Variants in NARS2 observed in about 807,000 individuals in gnomAD.
The protein encoded by NARS2 is asparaginyl-tRNA synthetase.
A neutral mutation model predicts 62.9 loss-of-function variants in NARS2; 60 were observed. That is an observed-to-expected ratio of 0.95 (90% confidence interval 0.77 to 1.18). NARS2 has a LOEUF of 1.18. Ranked by LOEUF, NARS2 falls within the 50% of genes most tolerant of loss-of-function variation. The pLI is 0.00. For synonymous variants in NARS2, 196 were observed against 200.0 expected, an observed-to-expected ratio of 0.98 and a Z score of 0.17; for missense variants, 619 against 576.4, an observed-to-expected ratio of 1.07 and a Z score of -0.76.
At chr11:78,551,790 G>A (rs957328217) in intron 5 of NARS2, among the ~76,000 whole-genome samples, 1 of 152,034 alleles carries the variant, frequency 6.6e-6, no homozygotes, top group Non-Finnish European at 1.5e-5. Context: ...GGTGGAGGTT[G>A]CAGTGAGCCA....
At chr11:78,529,841 C>T (rs1861417127) in intron 5 of NARS2, among the ~76,000 whole-genome samples, 1 of 152,114 alleles carries the variant, frequency 6.6e-6, no homozygotes, top group African/African-American at 2.4e-5. Context: ...GTATTTTAAA[C>T]TGTGCACTTA....
chr11:78,551,414 A>G (rs1350955908), intron 5 of NARS2, among the ~76,000 whole-genome samples: 3 of 152,248 alleles, frequency 2.0e-5, no homozygotes, highest in Non-Finnish European at 4.4e-5. Flanking sequence ...GAATTGGTAC[A>G]GTAAAAATAC....
intron 11 of NARS2, among the ~76,000 whole-genome samples, chr11:78,458,927 TTG>T (rs1858276451): frequency 6.6e-6 from 1 of 151,890 alleles, no homozygotes; most frequent in Non-Finnish European, 1.5e-5. Flanking sequence ...GTTTGTTTGT[TTG>T]TTTTTTTGAG....
chr11:78,504,434 GTTTTTT>G (rs758781275), intron 6 of NARS2, among the ~76,000 whole-genome samples: 1 of 61,402 alleles, frequency 1.6e-5, no homozygotes, highest in South Asian at 6.0e-4. Context: ...CAAAACACCA[GTTTTTT>G]TTTTTTTTTT....
intron 7 of NARS2, among the ~76,000 whole-genome samples, chr11:78,490,383 T>C (rs1441117668): frequency 6.6e-6 from 1 of 152,228 alleles, no homozygotes; most frequent in East Asian, 1.9e-4. Flanking sequence ...TACAAGGCAA[T>C]GCTCTGAATA....
At chr11:78,481,442 G>A (rs867331253) in intron 7 of NARS2, among the ~76,000 whole-genome samples, 4 of 152,256 alleles carry the variant, frequency 2.6e-5, no homozygotes, top group Middle Eastern at 6.8e-3. Context: ...GAGGAATAAA[G>A]AGCAGGTGGA....
chr11:78,464,595 T>TGCATTCAC (rs1486892688), intron 11 of NARS2, among the ~76,000 whole-genome samples: 1 of 152,010 alleles, frequency 6.6e-6, no homozygotes, highest in Non-Finnish European at 1.5e-5. Flanking sequence ...TGTCCACTGG[T>TGCATTCAC]GCATTCACAA....
chr11:78,482,138 A>G (rs1435860685), intron 7 of NARS2, among the ~76,000 whole-genome samples: 1 of 152,186 alleles, frequency 6.6e-6, no homozygotes, highest in Non-Finnish European at 1.5e-5. Flanking sequence ...AGAAATATTA[A>G]TAATTAAACC....
intron 3 of NARS2, among the ~76,000 whole-genome samples, chr11:78,566,769 A>G (rs1319705008): frequency 6.6e-6 from 1 of 152,232 alleles, no homozygotes. Flanking sequence ...ACTTCCATCT[A>G]GCAGAGTAGT....
chr11:78,560,437 A>C (rs1856519910), intron 4 of NARS2, among the ~76,000 whole-genome samples: 1 of 152,248 alleles, frequency 6.6e-6, no homozygotes, highest in Non-Finnish European at 1.5e-5. Flanking sequence ...ATGTAAGCAA[A>C]AGGTTACACA....
At chr11:78,569,367 C>A (rs1014961369) in intron 2 of NARS2, among the ~76,000 whole-genome samples, 2 of 152,144 alleles carry the variant, frequency 1.3e-5, no homozygotes, top group Non-Finnish European at 2.9e-5. Flanking sequence ...GCTGTCAAGG[C>A]TGGTCTCGAA....
intron 6 of NARS2, among the ~76,000 whole-genome samples, chr11:78,512,002 A>G (rs1403532446): frequency 2.0e-5 from 3 of 152,230 alleles, no homozygotes; most frequent in African/African-American, 7.2e-5. Flanking sequence ...AGGCTCCAGG[A>G]ACCCCAGAAG....
chr11:78,468,666 A>T (rs1179920024), intron 10 of NARS2, among the ~76,000 whole-genome samples: 1 of 152,052 alleles, frequency 6.6e-6, no homozygotes, highest in African/African-American at 2.4e-5. Context: ...AGCCTCCCAA[A>T]GTACTGGGAT....
chr11:78,553,369 A>G (rs1414235695), intron 5 of NARS2, among the ~76,000 whole-genome samples: 2 of 152,000 alleles, frequency 1.3e-5, no homozygotes, highest in Non-Finnish European at 2.9e-5. Context: ...GCTCACTGCA[A>G]CCTGCACCTC....
chr11:78,563,849 AAAATATAT>A (rs1389669134), intron 4 of NARS2, among the ~76,000 whole-genome samples: 8 of 54,672 alleles, frequency 1.5e-4, no homozygotes, highest in Non-Finnish European at 2.9e-4. Flanking sequence ...AAAAAAAAAA[AAAATATAT>A]ATATATATAT....
In NARS2 at chr11:78,444,063, G is replaced by A. The variant is rs564548510; in HGVS notation, c.1165-305C>T. ...AGTACCAGAAAATTACATTTTTGTG[G>A]ATTTCCTTTCAAATTTTTTCCCTTA... On this transcript the variant is annotated intron_variant, in intron 11 of 13. Transcript: ENST00000281038. The A allele has an allele frequency of 6.7e-5, 12 of 180,060 alleles. No homozygotes were observed. In the East Asian group the frequency reaches 1.5e-3, roughly 22 times the overall value. The allele number at this position is 180,060 out of a possible 1,614,324, so 11.2% of individuals were successfully genotyped here.
intron 9 of NARS2, among the ~76,000 whole-genome samples, chr11:78,477,104 C>A (rs560945453): frequency 6.6e-6 from 1 of 152,264 alleles, no homozygotes; most frequent in South Asian, 2.1e-4. Flanking sequence ...CATTTTGAAT[C>A]TTTTCATTAG....
chr11:78,462,004 T>C (rs186777985), intron 11 of NARS2, among the ~76,000 whole-genome samples: 2 of 152,120 alleles, frequency 1.3e-5, no homozygotes, highest in East Asian at 3.9e-4. Context: ...TTACAGAATA[T>C]AGACACAATG....
At chr11:78,457,932 T>C (rs935123123) in intron 11 of NARS2, among the ~76,000 whole-genome samples, 1 of 152,036 alleles carries the variant, frequency 6.6e-6, no homozygotes, top group Non-Finnish European at 1.5e-5. Context: ...GAATAAAACA[T>C]TTTTTGAGCT....
Sources: gnomAD v4.1 joint callset for allele counts (sites outside exome capture counted in the v4.1 genomes callset) on GRCh38, gnomAD v4.1.1 for gene constraint, MANE v1.5 for transcripts, NCBI Gene and HGNC (gene_info 2026-07-23, HGNC 2026-07-21) for gene names.